TTC9: variants seen among roughly 807,000 people sequenced by gnomAD.
TTC9 encodes tetratricopeptide repeat protein 9A.
Under a neutral mutation model 22.9 loss-of-function variants are expected in TTC9, and 13 were observed. That is an observed-to-expected ratio of 0.57 (90% CI 0.37 to 0.90). TTC9 has a LOEUF of 0.90. Ranked by LOEUF, TTC9 falls within the 40% of genes least tolerant of loss-of-function variation. TTC9 has a pLI of 0.01. For synonymous variants in TTC9, 148 were observed against 133.2 expected, an observed-to-expected ratio of 1.11 and a Z score of -0.77; for missense variants, 280 against 291.8, an observed-to-expected ratio of 0.96 and a Z score of 0.29.
chr14:70,654,587 CAAAAAAAAAAAAAAAAAAAA>C (rs61046584), intron 1 of TTC9, among the ~76,000 whole-genome samples: 4 of 57,168 alleles, frequency 7.0e-5, no homozygotes, highest in Admixed American at 3.0e-4. Flanking sequence ...GGCTCTGTCT[CAAAAAAAAAAAAAAAAAAAA>C]AAAAAAAAAA....
chr14:70,644,211 A>G (rs1885870695), intron 1 of TTC9, among the ~76,000 whole-genome samples: 1 of 152,184 alleles, frequency 6.6e-6, no homozygotes, highest in South Asian at 2.1e-4. Context: ...AGACGTGGTT[A>G]CTTTTCCATG....
chr14:70,642,562 G>A (rs764166769), intron 1 of TTC9, 27 bp downstream of exon 1: 3 of 1,518,350 alleles, frequency 2.0e-6, no homozygotes, highest in African/African-American at 2.8e-5. Flanking sequence ...CCCCCGCGCC[G>A]CGGTCCCCGT....
chr14:70,674,608 C>T lies in TTC9; in HGVS notation c.*3453C>T, dbSNP rs1886342797. 1.3e-5 allele frequency: 2 copies of T among 152,184 alleles called. No homozygotes were observed. Among genetic ancestry groups the T allele is most frequent in the Admixed American group, 1.3e-4 (2 of 15,268 alleles). The allele number at this position is 152,184 out of a possible 1,614,324, so 9.4% of individuals were successfully genotyped here. ...CCCCGTCTGCCAGCATCTAGTTTCC[C>T]TCTAATTTATTTTGCATCCTAGTGG... On this transcript the variant is annotated 3_prime_UTR_variant, in exon 3 of 3. Coordinates refer to ENST00000256367, the MANE Select transcript of TTC9 (RefSeq NM_015351.2).
At chr14:70,651,055 A>G (rs1342701928) in intron 1 of TTC9, among the ~76,000 whole-genome samples, 1 of 151,956 alleles carries the variant, frequency 6.6e-6, no homozygotes, top group Non-Finnish European at 1.5e-5. Context: ...TTATCAGCTC[A>G]CTGCAACCTC....
At chr14:70,643,201 C>T (rs79168424) in intron 1 of TTC9, among the ~76,000 whole-genome samples, 1,985 of 152,208 alleles carry the variant, frequency 0.013, 41 homozygotes, top group African/African-American at 0.045. Flanking sequence ...CTGCATTCTC[C>T]CTCTCCTCCC....
At position 70,673,226 on chromosome 14, in the gene TTC9, C is replaced by T. The variant is rs1479825736; in HGVS notation, c.*2071C>T. ...TCACAATTAAGACCGAAAGGAAACACAAAGTTAAATATGGGTTAATTATGT... is the reference window on the plus strand; with the variant it reads ...TCACAATTAAGACCGAAAGGAAACATAAAGTTAAATATGGGTTAATTATGT... On this transcript the variant is annotated 3_prime_UTR_variant, in exon 3 of 3. Transcript: ENST00000256367. 6.6e-6 allele frequency: 1 copy of T among 152,190 alleles called. No individual in the cohort carries two copies. The highest frequency in any genetic ancestry group is 1.5e-5 in the Non-Finnish European group (1 of 68,040). 9.4% of individuals were successfully genotyped at this position (152,190 alleles called of 1,614,324 possible). A position where few individuals can be genotyped will look rare whatever the true frequency, so the allele number is the denominator to read the frequency against.
In TTC9 at chr14:70,641,953, G is replaced by A. The variant is rs1885815687; in HGVS notation, c.-177G>A. 7.6e-6 allele frequency: 2 copies of A among 264,098 alleles called. No individual in the cohort carries two copies. Among genetic ancestry groups the A allele is most frequent in the African/African-American group, 2.3e-5 (1 of 43,028 alleles). 16.4% of individuals were successfully genotyped at this position (264,098 alleles called of 1,614,324 possible). On this transcript the variant is annotated 5_prime_UTR_variant, in exon 1 of 3. Transcript: ENST00000256367. The stretch of plus-strand genomic sequence containing the variant: ...GGCGGCGGCGGCTGGAGCAGCCTCT[G>A]GCAGCAGCGGGGAGAATGGGAGTGC...
chr14:70,660,260 CAT>C lies in TTC9; in HGVS notation c.407-7303_407-7302del, dbSNP rs564963775. On this transcript the variant is annotated intron_variant, in intron 1 of 2. Transcript: ENST00000256367. ...GTAACAGAGAACAATTATTTGCACACATGTGCAGATTTCCAGCTCTAGGACTT... is the reference window on the plus strand; with the variant it reads ...GTAACAGAGAACAATTATTTGCACACGTGCAGATTTCCAGCTCTAGGACTT... 3.6e-4 allele frequency among the ~76,000 whole-genome samples: 55 copies of C among 152,354 alleles called. 3 individuals carry two copies. The highest frequency in any genetic ancestry group is 1.6e-3 in the Admixed American group (25 of 15,308).
At chr14:70,658,641 C>CAA (rs58811146) in intron 1 of TTC9, among the ~76,000 whole-genome samples, 2 of 149,424 alleles carry the variant, frequency 1.3e-5, no homozygotes, top group African/African-American at 4.9e-5. Context: ...AAAGCATCTG[C>CAA]AAAAAAAAAC....
In TTC9 at chr14:70,673,815, A is replaced by C. The variant is rs1886331133; in HGVS notation, c.*2660A>C. 1 of 152,188 alleles carries C rather than the reference A, an allele frequency of 6.6e-6. No homozygotes were observed. Among genetic ancestry groups the C allele is most frequent in the Non-Finnish European group, 1.5e-5 (1 of 68,052 alleles). The allele number at this position is 152,188 out of a possible 1,614,324, so 9.4% of individuals were successfully genotyped here. A position where few individuals can be genotyped will look rare whatever the true frequency, so the allele number is the denominator to read the frequency against. ...CTGGGGCAGGGCTGGACAATCCAGG[A>C]TATGATTGTAGCCATCCCATGTAGA... On this transcript the variant is annotated 3_prime_UTR_variant, in exon 3 of 3. Transcript: ENST00000256367.
chr14:70,660,741 A>ATTTGG (rs1234042956), intron 1 of TTC9, among the ~76,000 whole-genome samples: 1 of 152,190 alleles, frequency 6.6e-6, no homozygotes, highest in Non-Finnish European at 1.5e-5. Flanking sequence ...CTGTTTGCCT[A>ATTTGG]TTTGGTTTGG....
intron 2 of TTC9, among the ~76,000 whole-genome samples, chr14:70,669,310 C>T (rs553437789): frequency 4.3e-4 from 66 of 151,946 alleles, no homozygotes; most frequent in Non-Finnish European, 7.8e-4. Flanking sequence ...GACAGAGTCT[C>T]GCTCTGTCGC....
chr14:70,667,472 C>T, intron 1 of TTC9, 92 bp from the exon 2 acceptor site: 1 of 1,409,700 alleles, frequency 7.1e-7, no homozygotes, highest in Non-Finnish European at 9.8e-7. Context: ...AAACCCCAAC[C>T]CTGCTAAACC....
chr14:70,652,392 A>G, intron 1 of TTC9, among the ~76,000 whole-genome samples: 1 of 152,222 alleles, frequency 6.6e-6, no homozygotes. Flanking sequence ...GAAAATGAGT[A>G]GGAATTGAAG....
intron 1 of TTC9, among the ~76,000 whole-genome samples, chr14:70,665,987 G>A (rs1886210024): frequency 1.3e-5 from 2 of 152,068 alleles, no homozygotes; most frequent in Non-Finnish European, 2.9e-5. Flanking sequence ...GTTTTTATTT[G>A]CTTTGAAGAA....
At chr14:70,647,193 A>G (rs1248526015) in intron 1 of TTC9, among the ~76,000 whole-genome samples, 3 of 152,234 alleles carry the variant, frequency 2.0e-5, no homozygotes, top group East Asian at 3.8e-4. Context: ...TAAAAATTAT[A>G]CAATTTATAC....
At position 70,642,272 on chromosome 14, in the gene TTC9, C is replaced by T. The variant is rs1885825616; in HGVS notation, c.143C>T (p.Ala48Val). ...APARGQVGAA[A>V]EPAELIRRAH... ...GCGAGGGGCCAGGTCGGGGCGGCGGCCGAGCCGGCCGAGCTCATCCGACGA... is the reference window on the plus strand; with the variant it reads ...GCGAGGGGCCAGGTCGGGGCGGCGGTCGAGCCGGCCGAGCTCATCCGACGA... Residue 48 changes from alanine (A) to valine (V), a missense_variant, in exon 1 of 3, where the codon GCC becomes GTC. By Grantham distance (64) the Ala-to-Val change is moderately conservative (BLOSUM62 0). Coordinates refer to ENST00000256367, the MANE Select transcript of TTC9 (RefSeq NM_015351.2). The T allele has an allele frequency of 2.0e-6, 3 of 1,501,122 alleles. No individual in the cohort carries two copies. The highest frequency in any genetic ancestry group is 2.7e-6 in the Non-Finnish European group (3 of 1,126,260). The allele number at this position is 1,501,122 out of a possible 1,614,324, so 93.0% of individuals were successfully genotyped here.
Position 70,654,729 on chromosome 14 carries a change from C to T in TTC9, c.406+12194C>T, listed in dbSNP as rs188765179. On this transcript the variant is annotated intron_variant, in intron 1 of 2. Coordinates refer to ENST00000256367, the MANE Select transcript of TTC9 (RefSeq NM_015351.2). ...GAGTTTAATTGAGCAAAGAATGACT[C>T]GTGAATCGGGCAGCCTCCCAAGCCC... 4.0e-5 allele frequency among the ~76,000 whole-genome samples: 6 copies of T among 151,778 alleles called. No homozygotes were observed. The East Asian group carries it at 9.7e-4, about 24-fold the overall frequency.
chr14:70,642,641 G>C (rs891765569), intron 1 of TTC9, 106 bp downstream of exon 1: 3 of 1,146,656 alleles, frequency 2.6e-6, no homozygotes, highest in African/African-American at 1.6e-5. Flanking sequence ...CTGTGACTGT[G>C]TTGCTCTGGG....
Sources: allele counts gnomAD v4.1 joint callset (sites outside exome capture counted in the v4.1 genomes callset), GRCh38; gene constraint gnomAD v4.1.1; transcripts MANE v1.5; gene names NCBI Gene and HGNC (gene_info 2026-07-23, HGNC 2026-07-21).